Variants in TOP6BL observed in about 807,000 individuals in gnomAD.
TOP6BL encodes type 2 DNA topoisomerase 6 subunit B-like.
At chr11:66,816,211 A>G in the TOP6BL span, 4 of 1,603,488 alleles carry the variant, frequency 2.5e-6, no homozygotes, top group African/African-American at 4.0e-5. Context: ...TAAGTATAAG[A>G]GAATGGGGTT....
At chr11:66,839,757 G>C in the TOP6BL span, among the ~76,000 whole-genome samples, 1 of 152,180 alleles carries the variant, frequency 6.6e-6, no homozygotes, top group Non-Finnish European at 1.5e-5. Flanking sequence ...TATTTATGCA[G>C]TCAGAAGAGA....
chr11:66,819,476 A>G, the TOP6BL span, among the ~76,000 whole-genome samples: 4 of 152,234 alleles, frequency 2.6e-5, no homozygotes, highest in Non-Finnish European at 4.4e-5. Flanking sequence ...GTACATTTCA[A>G]AACACTTCAT....
the TOP6BL span, among the ~76,000 whole-genome samples, chr11:66,759,250 A>AT: frequency 4.6e-5 from 7 of 152,182 alleles, no homozygotes; most frequent in Admixed American, 1.3e-4. Flanking sequence ...ATAAATAATA[A>AT]TTTTTTTAAC....
At chr11:66,821,620 T>A in the TOP6BL span, 4 of 1,579,790 alleles carry the variant, frequency 2.5e-6, no homozygotes, top group Non-Finnish European at 3.4e-6. Flanking sequence ...ATAGTGATAA[T>A]TTTACCTTCT....
the TOP6BL span, among the ~76,000 whole-genome samples, chr11:66,784,885 TAG>T: frequency 6.6e-6 from 1 of 152,102 alleles, no homozygotes; most frequent in Non-Finnish European, 1.5e-5. Flanking sequence ...TAACCATCCA[TAG>T]AGTTTTAATT....
the TOP6BL span, among the ~76,000 whole-genome samples, chr11:66,766,837 AAT>A: frequency 6.6e-6 from 1 of 152,176 alleles, no homozygotes; most frequent in East Asian, 1.9e-4. Flanking sequence ...GTTCCTCTGA[AAT>A]ATCCTGTGTA....
the TOP6BL span, chr11:66,748,655 A>T: frequency 9.9e-5 from 70 of 707,212 alleles, no homozygotes; most frequent in Non-Finnish European, 1.5e-4. Context: ...TGATTATGTA[A>T]TAAGTGTCTG....
At chr11:66,822,493 G>A in the TOP6BL span, 13 of 955,394 alleles carry the variant, frequency 1.4e-5, no homozygotes, top group Admixed American at 2.1e-4. Context: ...GAAATGTGTG[G>A]GCCCTCTGGG....
At chr11:66,788,046 A>G in the TOP6BL span, 5 of 650,640 alleles carry the variant, frequency 7.7e-6, no homozygotes, top group Non-Finnish European at 1.3e-5. Flanking sequence ...CTTGTAGATA[A>G]TCTTTTCATC....
At chr11:66,795,134 C>CAA in the TOP6BL span, among the ~76,000 whole-genome samples, 8 of 147,618 alleles carry the variant, frequency 5.4e-5, no homozygotes, top group African/African-American at 7.4e-5. Context: ...AACTCCATCT[C>CAA]AAAAAAAAAT....
chr11:66,768,487 G>A, the TOP6BL span, among the ~76,000 whole-genome samples: 3 of 151,918 alleles, frequency 2.0e-5, no homozygotes, highest in Non-Finnish European at 4.4e-5. Context: ...ATACTAAGAA[G>A]GGAAACATTT....
At chr11:66,747,745 A>G in the TOP6BL span, among the ~76,000 whole-genome samples, 17 of 152,222 alleles carry the variant, frequency 1.1e-4, no homozygotes, top group Admixed American at 5.2e-4. Context: ...CAGCCTCCCC[A>G]GTGGCTGAGA....
At chr11:66,776,894 T>C in the TOP6BL span, among the ~76,000 whole-genome samples, 1 of 151,896 alleles carries the variant, frequency 6.6e-6, no homozygotes, top group African/African-American at 2.4e-5. Flanking sequence ...TACAAAAAAA[T>C]ACAAAAATTA....
chr11:66,795,509 C>T, the TOP6BL span, among the ~76,000 whole-genome samples: 9 of 152,048 alleles, frequency 5.9e-5, no homozygotes, highest in Admixed American at 5.2e-4. Context: ...ACCATTTTGG[C>T]CAGGTTGGTC....
chr11:66,787,134 A>T, the TOP6BL span, among the ~76,000 whole-genome samples: 1 of 151,788 alleles, frequency 6.6e-6, no homozygotes, highest in East Asian at 2.0e-4. Flanking sequence ...GGGTTTCACC[A>T]TGTTGATCAG....
the TOP6BL span, among the ~76,000 whole-genome samples, chr11:66,823,170 T>C: frequency 6.6e-6 from 1 of 151,740 alleles, no homozygotes; most frequent in South Asian, 2.1e-4. Flanking sequence ...GGCAGTTGCA[T>C]GTAATCTCAG....
chr11:66,747,293 A>G, the TOP6BL span, among the ~76,000 whole-genome samples: 1 of 152,100 alleles, frequency 6.6e-6, no homozygotes, highest in Non-Finnish European at 1.5e-5. Context: ...TATTGTGTGT[A>G]GTCTTTACTG....
At chr11:66,770,433 G>A in the TOP6BL span, among the ~76,000 whole-genome samples, 1 of 152,176 alleles carries the variant, frequency 6.6e-6, no homozygotes, top group Non-Finnish European at 1.5e-5. Flanking sequence ...GCCAGGCACG[G>A]TGGCTCATGC....
the TOP6BL span, among the ~76,000 whole-genome samples, chr11:66,778,119 C>T: frequency 1.4e-5 from 2 of 146,102 alleles, no homozygotes; most frequent in African/African-American, 5.1e-5. Context: ...AAGAGACAGT[C>T]TCAAACTCCT....
Sources: gnomAD v4.1 joint callset for allele counts (sites outside exome capture counted in the v4.1 genomes callset) on GRCh38, gnomAD v4.1.1 for gene constraint, MANE v1.5 for transcripts, NCBI Gene and HGNC (gene_info 2026-07-23, HGNC 2026-07-21) for gene names.